Variants in NTRK1 observed in about 807,000 individuals in gnomAD.
NTRK1 encodes high affinity nerve growth factor receptor.
In NTRK1, 62 loss-of-function variants were observed where a neutral mutation model predicts 86.8. That is an observed-to-expected ratio of 0.71 (90% CI 0.58 to 0.88). The LOEUF is 0.88. Ranked by LOEUF, NTRK1 falls within the 40% of genes least tolerant of loss-of-function variation. NTRK1 has a pLI of 0.00. For missense variants in NTRK1, 967 were observed against 1,078.4 expected (o/e 0.90, Z 1.45); for synonymous variants, 469 against 456.6 (o/e 1.03, Z -0.35).
intron 1 of NTRK1, among the ~76,000 whole-genome samples, chr1:156,819,146 G>T (rs1240490238): frequency 6.6e-6 from 1 of 152,134 alleles, no homozygotes; most frequent in African/African-American, 2.4e-5. Context: ...GGGACTACAG[G>T]TGAGCACCAA....
In NTRK1 at chr1:156,874,385, T is replaced by C. The variant is rs765133005; in HGVS notation, c.1180T>C (p.Ser394Pro). Residue 394 changes from serine to proline, a missense_variant and splice_region_variant, in exon 9 of 17, where the codon TCC becomes CCC. Ser to Pro is a moderately conservative substitution (Grantham distance 74). Around this residue, in one of 2 missense-constraint regions of NTRK1, gnomAD observed 637 missense variants for 776.5 expected, o/e 0.82. Coordinates refer to ENST00000524377, the MANE Select transcript of NTRK1 (RefSeq NM_002529.4). Reference sequence around the variant, plus strand: ...TTCTCTCCTCCCTCCTGCTGCAGTCTCCTTCTCGCCGGTGGGTGAGTAGCC... The same window carrying C: ...TTCTCTCCTCCCTCCTGCTGCAGTCCCCTTCTCGCCGGTGGGTGAGTAGCC... ...EFNPEDPIPV[S>P]FSPVDTNSTS... 6.2e-7 allele frequency: 1 copy of C among 1,614,168 alleles called. No homozygotes were observed. Among genetic ancestry groups the C allele is most frequent in the South Asian group, 1.1e-5 (1 of 91,076 alleles).
upstream of NTRK1, chr1:156,858,577 C>G (rs1655494640): frequency 6.2e-7 from 1 of 1,614,086 alleles, no homozygotes. Flanking sequence ...AGAGGAAGAT[C>G]ACAGGCAGGC....
rs775284911 is a variant in NTRK1 at position 156,815,980 on chromosome 1, C to T, written c.-64+142C>T. The T allele has an allele frequency of 7.4e-6, 12 of 1,611,368 alleles. No individual in the cohort carries two copies. In the East Asian group the frequency reaches 8.9e-5, roughly 12 times the overall value. ...TGGGAGAGATGAGGGAGCTGCACCA[C>T]GCTGCCGCCCCAGGTTTCCACTCAC... On this transcript the variant is annotated intron_variant, in intron 1 of 16. Transcript: ENST00000392302.
chr1:156,833,888 A>C (rs1654528408), intron 1 of NTRK1, among the ~76,000 whole-genome samples: 1 of 152,008 alleles, frequency 6.6e-6, no homozygotes, highest in Admixed American at 6.6e-5. Context: ...GAGGGACTCC[A>C]CCTCTATAGG....
At chr1:156,815,819 CA>C (rs766336211) in exon 1 of NTRK1, 1 of 1,614,134 alleles carries the variant, frequency 6.2e-7, no homozygotes, top group Non-Finnish European at 8.5e-7. Flanking sequence ...AGTGAGTGGG[CA>C]ACTCGGCGCA....
chr1:156,876,125 TG>T lies in NTRK1; in HGVS notation c.1552del (p.Glu518ArgfsTer29), dbSNP rs869026199. The T allele has an allele frequency of 1.2e-6, 2 of 1,614,088 alleles. No individual in the cohort carries two copies. The highest frequency in any genetic ancestry group is 1.7e-6 in the Non-Finnish European group (2 of 1,180,000). On this transcript the variant is annotated frameshift_variant, in exon 13 of 17. Coordinates refer to ENST00000524377, the MANE Select transcript of NTRK1 (RefSeq NM_002529.4). LOFTEE classifies it high-confidence loss of function. ...CGGGACATCGTGCTCAAGTGGGAGCTGGGGGAGGGCGCCTTTGGGAAGGTCT... is the reference window on the plus strand; with the variant it reads ...CGGGACATCGTGCTCAAGTGGGAGCTGGGGAGGGCGCCTTTGGGAAGGTCT... ...KRRDIVLKWELGEGAFGKVFL... is the reference protein window; with the variant it reads ...KRRDIVLKWEXGEGAFGKVFL...
chr1:156,859,859 C>T (rs1655548661), upstream of NTRK1, among the ~76,000 whole-genome samples: 1 of 152,146 alleles, frequency 6.6e-6, no homozygotes. The surrounding 1 kb of genome is among the most constrained non-coding windows in gnomAD (Gnocchi z 6.2). Context: ...TCGCTCTCCC[C>T]AGCTTGAGAC....
Position 156,868,656 on chromosome 1 carries a change from AC to A in NTRK1, c.717+11del. On this transcript the variant is annotated intron_variant, in intron 6 of 16. Transcript: ENST00000524377. Reference sequence around the variant, plus strand: ...AGTCAGCCACGGTGATGGTGAGAAGACCTTCGCTGGCAGCCCCCAAGAGGTC... The same window carrying A: ...AGTCAGCCACGGTGATGGTGAGAAGACTTCGCTGGCAGCCCCCAAGAGGTC... 1.3e-6 allele frequency: 2 copies of A among 1,550,274 alleles called. No individual in the cohort carries two copies. The highest frequency in any genetic ancestry group is 1.7e-6 in the Non-Finnish European group (2 of 1,146,972).
upstream of NTRK1, chr1:156,858,901 C>T (rs546935982): frequency 2.5e-3 from 1,146 of 459,656 alleles, 2 homozygotes; most frequent in Middle Eastern, 5.8e-3. Flanking sequence ...GGGAGAGTCT[C>T]GGGCCTCCAG....
At chr1:156,828,777 C>T (rs1654389820) in intron 1 of NTRK1, among the ~76,000 whole-genome samples, 1 of 152,220 alleles carries the variant, frequency 6.6e-6, no homozygotes, top group Non-Finnish European at 1.5e-5. Flanking sequence ...ATCCCGGAAG[C>T]CCTCTGAGCC....
At chr1:156,849,417 G>A in intron 2 of NTRK1, 1 of 1,613,670 alleles carries the variant, frequency 6.2e-7, no homozygotes, top group Non-Finnish European at 8.5e-7. Flanking sequence ...CAGGACCCTA[G>A]CTGTTGTAGG....
chr1:156,837,731 A>G (rs1310268696), intron 1 of NTRK1: 1 of 152,184 alleles, frequency 6.6e-6, no homozygotes, highest in Non-Finnish European at 1.5e-5. Flanking sequence ...CTTAGCCCTC[A>G]ACAGAAAGTG....
At chr1:156,843,513 G>T (rs769954015) in intron 2 of NTRK1, 1 of 1,607,328 alleles carries the variant, frequency 6.2e-7, no homozygotes, top group South Asian at 1.1e-5. Flanking sequence ...AGGCTGGAAG[G>T]GTTCTCAGGA....
chr1:156,876,332 C>A (rs41449344), intron 13 of NTRK1, 68 bp from the exon 14 acceptor site: 1 of 1,609,968 alleles, frequency 6.2e-7, no homozygotes, highest in Non-Finnish European at 8.5e-7. Context: ...GGTGGGCGGG[C>A]TGCCCTGGGT....
Position 156,879,284 on chromosome 1 carries a change from TCTA to T in NTRK1, c.1969_1971del (p.Leu657del). The T allele has an allele frequency of 6.2e-7, 1 of 1,613,704 alleles. No individual in the cohort carries two copies. Among genetic ancestry groups the T allele is most frequent in the Non-Finnish European group, 8.5e-7 (1 of 1,180,010 alleles). On this transcript the variant is annotated inframe_deletion, in exon 15 of 17. Transcript: ENST00000524377. Reference sequence around the variant, plus strand: ...ACCGGGACCTGGCCACACGCAACTGTCTAGTGGGCCAGGGACTGGTGGTCAAGA... The same window carrying T: ...ACCGGGACCTGGCCACACGCAACTGTGTGGGCCAGGGACTGGTGGTCAAGA...
At chr1:156,828,420 C>G (rs1006891812) in intron 1 of NTRK1, among the ~76,000 whole-genome samples, 1 of 152,084 alleles carries the variant, frequency 6.6e-6, no homozygotes, top group African/African-American at 2.4e-5. Context: ...AAAAAAAAAG[C>G]AAAGAAAGGA....
At chr1:156,843,036 A>C (rs1193000618) in intron 2 of NTRK1, 1 of 1,613,920 alleles carries the variant, frequency 6.2e-7, no homozygotes, top group Non-Finnish European at 8.5e-7. Flanking sequence ...TTCATGACAG[A>C]AGCTTCCTTG....
At chr1:156,849,149 A>G (rs1399448115) in intron 2 of NTRK1, 5 of 1,594,196 alleles carry the variant, frequency 3.1e-6, no homozygotes, top group Non-Finnish European at 4.3e-6. Context: ...TCTGAGGAGA[A>G]CTTCTCAGAG....
At position 156,876,416 on chromosome 1, in the gene NTRK1, C is replaced by T. The variant is rs2102919110; in HGVS notation, c.1649C>T (p.Ser550Phe). 6.2e-7 allele frequency: 1 copy of T among 1,613,826 alleles called. No homozygotes were observed. Among genetic ancestry groups the T allele is most frequent in the Non-Finnish European group, 8.5e-7 (1 of 1,180,022 alleles). ...LVAVKALKEASESARQDFQRE... is the reference protein window; with the variant it reads ...LVAVKALKEAFESARQDFQRE... ...TCCATCCAGGCACTGAAGGAGGCGT[C>T]CGAGAGTGCTCGGCAGGACTTCCAG... Residue 550 changes from serine to phenylalanine, a missense_variant, in exon 14 of 17, where the codon TCC (serine) becomes TTC (phenylalanine). Coordinates refer to ENST00000524377, the MANE Select transcript of NTRK1 (RefSeq NM_002529.4).
Sources: gnomAD v4.1 joint callset for allele counts (sites outside exome capture counted in the v4.1 genomes callset) on GRCh38, gnomAD v4.1.1 for gene constraint, gnomAD v4.1.1 regional missense constraint, Gnocchi (gnomAD v3.1) non-coding constraint, MANE v1.5 for transcripts, NCBI Gene and HGNC (gene_info 2026-07-23, HGNC 2026-07-21) for gene names.